Variants in SLC25A21 observed in about 807,000 individuals in gnomAD.
SLC25A21 encodes mitochondrial 2-oxodicarboxylate carrier.
A neutral mutation model predicts 43.8 loss-of-function variants in SLC25A21; 47 were observed. The observed-to-expected ratio is 1.07, with a 90% CI of 0.85 to 1.37. The LOEUF is 1.37. Ranked by LOEUF, SLC25A21 falls within the 40% of genes most tolerant of loss-of-function variation. The probability of loss-of-function intolerance (pLI) is 0.00; values close to 1 mark genes in which losing one functional copy is unlikely to be tolerated. For synonymous variants in SLC25A21, 131 were observed against 121.3 expected, an observed-to-expected ratio of 1.08 and a Z score of -0.52; for missense variants, 352 against 350.2, an observed-to-expected ratio of 1.00 and a Z score of -0.04.
chr14:36,899,324 A>T (rs1474276376), intron 1 of SLC25A21, among the ~76,000 whole-genome samples: 4 of 152,272 alleles, frequency 2.6e-5, no homozygotes, highest in African/African-American at 9.6e-5. Context: ...CATTCTGGAA[A>T]GAGGATCCCA....
intron 1 of SLC25A21, among the ~76,000 whole-genome samples, chr14:36,976,262 G>A (rs1235159770): frequency 6.6e-6 from 1 of 152,122 alleles, no homozygotes; most frequent in African/African-American, 2.4e-5. Context: ...ACAAGTGGTG[G>A]GGGCTCCTCA....
chr14:37,087,087 G>A (rs1006482018), intron 1 of SLC25A21, among the ~76,000 whole-genome samples: 1 of 152,124 alleles, frequency 6.6e-6, no homozygotes, highest in South Asian at 2.1e-4. Context: ...TAGACTAGAC[G>A]CTTTTCGTGA....
intron 3 of SLC25A21, among the ~76,000 whole-genome samples, chr14:36,777,792 T>G (rs942054788): frequency 2.6e-5 from 4 of 152,206 alleles, no homozygotes; most frequent in African/African-American, 9.6e-5. Context: ...CCATGTGATT[T>G]GTGGTAACCT....
At chr14:36,880,081 A>T (rs1241837982) in intron 1 of SLC25A21, among the ~76,000 whole-genome samples, 2 of 152,166 alleles carry the variant, frequency 1.3e-5, no homozygotes, top group Non-Finnish European at 2.9e-5. Flanking sequence ...CCACTCAGAA[A>T]AAATATTGCA....
intron 2 of SLC25A21, among the ~76,000 whole-genome samples, chr14:36,860,660 T>C (rs779850816): frequency 2.0e-5 from 3 of 152,230 alleles, no homozygotes; most frequent in Non-Finnish European, 2.9e-5. Flanking sequence ...TAGGAGAGCA[T>C]CTTAGGAAAA....
intron 1 of SLC25A21, among the ~76,000 whole-genome samples, chr14:37,153,683 T>C (rs540773929): frequency 1.3e-5 from 2 of 152,364 alleles, no homozygotes; most frequent in Admixed American, 6.5e-5. Flanking sequence ...TGGCTGCTAC[T>C]GTCTCTAACA....
At chr14:36,748,092 T>G (rs1334857048) in intron 3 of SLC25A21, among the ~76,000 whole-genome samples, 1 of 152,222 alleles carries the variant, frequency 6.6e-6, no homozygotes, top group Non-Finnish European at 1.5e-5. Flanking sequence ...AAACAGCTAG[T>G]AAGTGATGGA....
At chr14:36,810,693 C>T (rs939670359) in intron 3 of SLC25A21, among the ~76,000 whole-genome samples, 4 of 152,076 alleles carry the variant, frequency 2.6e-5, no homozygotes, top group Non-Finnish European at 5.9e-5. Flanking sequence ...TGATGACTTC[C>T]ATTCATTTGT....
chr14:36,678,311 A>G lies in SLC25A21; in HGVS notation c.*2347T>C. The G allele has an allele frequency of 1.8e-6, 1 of 566,756 alleles. No individual in the cohort carries two copies. The highest frequency in any genetic ancestry group is 3.1e-6 in the Non-Finnish European group (1 of 321,690). The allele number at this position is 566,756 out of a possible 1,614,324, so 35.1% of individuals were successfully genotyped here. A position where few individuals can be genotyped will look rare whatever the true frequency, so the allele number is the denominator to read the frequency against. ...AGTGACTGCTTTTTTCAGACAGCAG[A>G]TATCTTATAGAGAGCTTTGAACTGC... is the stretch of plus-strand genomic sequence containing the variant. On this transcript the variant is annotated 3_prime_UTR_variant, in exon 10 of 10. Transcript: ENST00000331299.
chr14:36,947,745 G>T (rs1034217851), intron 1 of SLC25A21, among the ~76,000 whole-genome samples: 1 of 152,020 alleles, frequency 6.6e-6, no homozygotes, highest in Non-Finnish European at 1.5e-5. Flanking sequence ...CATTTTAGGG[G>T]GTATTTTATA....
intron 3 of SLC25A21, among the ~76,000 whole-genome samples, chr14:36,739,158 A>C (rs2139236793): frequency 6.6e-6 from 1 of 152,336 alleles, no homozygotes; most frequent in African/African-American, 2.4e-5. Context: ...AGAAGGAAGC[A>C]GGAAAGGCCA....
At chr14:36,892,103 A>G (rs1283165444) in intron 1 of SLC25A21, among the ~76,000 whole-genome samples, 1 of 152,160 alleles carries the variant, frequency 6.6e-6, no homozygotes, top group Non-Finnish European at 1.5e-5. Flanking sequence ...ACAAAAGACA[A>G]CAAGTGTTGG....
chr14:37,124,908 A>G (rs1192877632), intron 1 of SLC25A21, among the ~76,000 whole-genome samples: 4 of 152,226 alleles, frequency 2.6e-5, no homozygotes, highest in African/African-American at 9.6e-5. Flanking sequence ...GCCATGAGCC[A>G]AAGCTCCCTG....
chr14:37,122,595 G>A (rs922641350), intron 1 of SLC25A21, among the ~76,000 whole-genome samples: 6 of 152,012 alleles, frequency 3.9e-5, no homozygotes, highest in African/African-American at 7.2e-5. Flanking sequence ...GTAGCTTCAC[G>A]TGGAAGCTTT....
intron 1 of SLC25A21, among the ~76,000 whole-genome samples, chr14:36,914,919 A>G (rs1219820798): frequency 6.6e-6 from 1 of 152,196 alleles, no homozygotes; most frequent in Non-Finnish European, 1.5e-5. Context: ...AAAGAATAGT[A>G]GAGACAAGGC....
At chr14:36,740,231 T>C (rs1167227382) in intron 3 of SLC25A21, among the ~76,000 whole-genome samples, 1 of 152,206 alleles carries the variant, frequency 6.6e-6, no homozygotes, top group African/African-American at 2.4e-5. Context: ...TAAGAAATGG[T>C]CTCAGATTGT....
chr14:36,977,803 TTG>T (rs1184607329), intron 1 of SLC25A21, among the ~76,000 whole-genome samples: 1 of 152,184 alleles, frequency 6.6e-6, no homozygotes, highest in African/African-American at 2.4e-5. Flanking sequence ...TCCTTCAAAG[TTG>T]TGTTCTTACT....
At chr14:37,112,792 G>A (rs1963041985) in intron 1 of SLC25A21, among the ~76,000 whole-genome samples, 1 of 152,224 alleles carries the variant, frequency 6.6e-6, no homozygotes, top group African/African-American at 2.4e-5. Flanking sequence ...GGGGAAAGAA[G>A]GGAAAAACAG....
intron 1 of SLC25A21, among the ~76,000 whole-genome samples, chr14:37,108,416 G>A (rs556015485): frequency 7.2e-5 from 11 of 152,142 alleles, no homozygotes; most frequent in Non-Finnish European, 1.3e-4. Context: ...ACTATTACAA[G>A]AAACTTGAAA....
Sources: gnomAD v4.1 joint callset for allele counts (sites outside exome capture counted in the v4.1 genomes callset) on GRCh38, gnomAD v4.1.1 for gene constraint, MANE v1.5 for transcripts, NCBI Gene and HGNC (gene_info 2026-07-23, HGNC 2026-07-21) for gene names.